NRXN3: variants seen among roughly 807,000 people sequenced by gnomAD.
The protein encoded by NRXN3 is neurexin III.
A neutral mutation model predicts 137.6 loss-of-function variants in NRXN3; 32 were observed. The observed-to-expected ratio is 0.23, with a 90% CI of 0.18 to 0.31. The LOEUF is 0.31. Ranked by LOEUF, NRXN3 falls within the 10% of genes least tolerant of loss-of-function variation. The pLI, the probability that NRXN3 is intolerant of heterozygous loss-of-function variation, is 1.00. For missense variants in NRXN3, 1,574 were observed against 2,062.5 expected, an observed-to-expected ratio of 0.76 and a Z score of 4.59; for synonymous variants, 798 against 784.5, an observed-to-expected ratio of 1.02 and a Z score of -0.29.
intron 13 of NRXN3, 67 bp from the exon 14 acceptor site, chr14:78,968,106 T>G: frequency 3.4e-6 from 2 of 594,782 alleles, no homozygotes. Flanking sequence ...CTCAAGTGTA[T>G]CAAACTAGTT....
chr14:79,704,113 G>A (rs902657566), intron 19 of NRXN3, among the ~76,000 whole-genome samples: 19 of 152,112 alleles, frequency 1.2e-4, no homozygotes, highest in Admixed American at 6.5e-4. Context: ...TTCTGGAGTG[G>A]GAATTGGCTT....
intron 15 of NRXN3, among the ~76,000 whole-genome samples, chr14:78,998,883 C>T (rs954517616): frequency 6.6e-6 from 1 of 151,310 alleles, no homozygotes; most frequent in Admixed American, 6.6e-5. Flanking sequence ...GGATTACAGG[C>T]GTACATTACT....
chr14:79,710,259 C>A (rs1179790876), intron 19 of NRXN3, among the ~76,000 whole-genome samples: 2 of 151,890 alleles, frequency 1.3e-5, no homozygotes, highest in Non-Finnish European at 2.9e-5. Flanking sequence ...ACCACTTATG[C>A]AAAAAACAGA....
At chr14:78,258,286 G>A (rs1280048996) in intron 2 of NRXN3, among the ~76,000 whole-genome samples, 1 of 152,184 alleles carries the variant, frequency 6.6e-6, no homozygotes, top group African/African-American at 2.4e-5. Flanking sequence ...TGTAGAACAG[G>A]AAAGCCATTG....
chr14:79,612,940 A>C (rs2098119704), intron 16 of NRXN3, among the ~76,000 whole-genome samples: 1 of 152,244 alleles, frequency 6.6e-6, no homozygotes, highest in Non-Finnish European at 1.5e-5. Context: ...TTTTTAAGAA[A>C]GAAAATAAAA....
chr14:79,691,941 T>G (rs2098718289), intron 17 of NRXN3, among the ~76,000 whole-genome samples: 1 of 151,970 alleles, frequency 6.6e-6, no homozygotes, highest in Non-Finnish European at 1.5e-5. Context: ...CTCTTAAGGA[T>G]TCCCATTCCA....
At chr14:79,019,898 G>A (rs1007607868) in intron 15 of NRXN3, among the ~76,000 whole-genome samples, 43 of 152,078 alleles carry the variant, frequency 2.8e-4, no homozygotes, top group Non-Finnish European at 4.9e-4. Context: ...TGGATTGAAA[G>A]GGGAGTTAGA....
At chr14:79,240,307 GC>G (rs981078091) in intron 15 of NRXN3, among the ~76,000 whole-genome samples, 5 of 151,760 alleles carry the variant, frequency 3.3e-5, no homozygotes, top group African/African-American at 1.2e-4. Flanking sequence ...ATGCACTCCT[GC>G]CCCCACCCCA....
chr14:79,046,083 A>G (rs940140355), intron 15 of NRXN3, among the ~76,000 whole-genome samples: 9 of 152,234 alleles, frequency 5.9e-5, no homozygotes, highest in African/African-American at 2.2e-4. Context: ...AAAACAATAA[A>G]TAAATAATAA....
chr14:79,068,540 A>G (rs147668458), intron 15 of NRXN3, among the ~76,000 whole-genome samples: 1 of 152,130 alleles, frequency 6.6e-6, no homozygotes, highest in Admixed American at 6.6e-5. Flanking sequence ...AATGGGAAGT[A>G]TAAATTTGAT....
intron 4 of NRXN3, among the ~76,000 whole-genome samples, chr14:78,418,011 C>A (rs779949765): frequency 1.3e-5 from 2 of 152,184 alleles, no homozygotes; most frequent in Non-Finnish European, 2.9e-5. Context: ...CCCATCTCAG[C>A]CTCCCAAAGT....
rs151072919 is a variant in NRXN3, at chr14:78,968,317, G to A, written c.3113G>A (p.Arg1038Gln). Residue 1038 changes from arginine to glutamine, a missense_variant, in exon 14 of 21, where the codon CGG (arginine) becomes CAG (glutamine). Arg to Gln is a conservative substitution (Grantham distance 43, BLOSUM62 1). This residue lies in a region of NRXN3 where 718 missense variants were observed against 887.6 expected (regional missense o/e 0.81). Transcript: ENST00000335750. ...GACCTCATCAATGATGCTCTTCATC[G>A]GAGCGGACAGATCGAGCGTGGCTGT... is the stretch of plus-strand genomic sequence containing the variant. ...LPDLINDALH[R>Q]SGQIERGCEG... 4.6e-5 allele frequency: 74 copies of A among 1,613,908 alleles called. No individual in the cohort carries two copies. The East Asian group carries it at 1.0e-3, about 22-fold the overall frequency.
At chr14:78,422,283 G>A (rs941207864) in intron 4 of NRXN3, among the ~76,000 whole-genome samples, 17 of 152,162 alleles carry the variant, frequency 1.1e-4, no homozygotes, top group African/African-American at 4.1e-4. Flanking sequence ...TAACACTTCA[G>A]AACTCTTATC....
At chr14:79,846,574 A>AGTAGAAT (rs1405137303) in intron 20 of NRXN3, among the ~76,000 whole-genome samples, 1 of 152,226 alleles carries the variant, frequency 6.6e-6, no homozygotes, top group African/African-American at 2.4e-5. Flanking sequence ...TTGGTAAGAT[A>AGTAGAAT]GTAGAATGTT....
intron 10 of NRXN3, among the ~76,000 whole-genome samples, chr14:78,825,218 GA>G (rs367707860): frequency 1.7e-5 from 2 of 115,200 alleles, no homozygotes; most frequent in African/African-American, 6.4e-5. Context: ...AAAAAAAAAA[GA>G]AAAAGAAAAA....
At chr14:79,170,215 C>T (rs2061649455) in intron 15 of NRXN3, among the ~76,000 whole-genome samples, 1 of 152,004 alleles carries the variant, frequency 6.6e-6, no homozygotes, top group African/African-American at 2.4e-5. Flanking sequence ...AGGGTAAGAC[C>T]TTTATTCTGC....
At chr14:79,453,518 G>A (rs1332078909) in intron 15 of NRXN3, among the ~76,000 whole-genome samples, 1 of 152,158 alleles carries the variant, frequency 6.6e-6, no homozygotes, top group African/African-American at 2.4e-5. Context: ...GATTTACATA[G>A]TCTTGCAGGT....
chr14:79,273,537 G>A (rs575218604), intron 15 of NRXN3, among the ~76,000 whole-genome samples: 5 of 151,880 alleles, frequency 3.3e-5, no homozygotes, highest in African/African-American at 1.2e-4. Context: ...GGAAGGCTGA[G>A]GCAGGAGAAT....
intron 4 of NRXN3, among the ~76,000 whole-genome samples, chr14:78,607,765 CT>C (rs1176982404): frequency 1.3e-5 from 2 of 152,156 alleles, no homozygotes; most frequent in East Asian, 3.8e-4. Context: ...GTTAAGGTTT[CT>C]GTGGATGTGT....
Sources: allele counts gnomAD v4.1 joint callset (sites outside exome capture counted in the v4.1 genomes callset), GRCh38; gene constraint gnomAD v4.1.1; regional missense constraint gnomAD v4.1.1; transcripts MANE v1.5; gene names NCBI Gene and HGNC (gene_info 2026-07-23, HGNC 2026-07-21).